SORCS2: variants seen among roughly 807,000 people sequenced by gnomAD.
SORCS2 encodes sortilin related VPS10 domain containing receptor 2.
SORCS2 carries 100 observed loss-of-function variants against 141.6 expected under a neutral mutation model. The observed-to-expected ratio is 0.71, with a 90% CI of 0.60 to 0.83. The LOEUF is 0.83. Among genes scored for constraint, SORCS2 ranks in the 40% least tolerant of loss-of-function variants. The probability of loss-of-function intolerance (pLI) is 0.00; values close to 1 mark genes in which losing one functional copy is unlikely to be tolerated. For missense variants in SORCS2, 1,646 were observed against 1,560.2 expected (o/e 1.05, Z -0.93); for synonymous variants, 789 against 676.9 (o/e 1.17, Z -2.57).
At chr4:7,250,286 C>T (rs1229876219) in intron 1 of SORCS2, among the ~76,000 whole-genome samples, 1 of 146,876 alleles carries the variant, frequency 6.8e-6, no homozygotes, top group African/African-American at 2.5e-5. Flanking sequence ...TGAAGGCCTG[C>T]TTCCATCAGC....
chr4:7,379,728 G>A (rs1201713576), intron 1 of SORCS2, among the ~76,000 whole-genome samples: 6 of 152,184 alleles, frequency 3.9e-5, no homozygotes, highest in Admixed American at 3.9e-4. Context: ...GCAGAGGCAA[G>A]GGACTCACTG....
intron 3 of SORCS2, among the ~76,000 whole-genome samples, chr4:7,586,402 G>T (rs753019552): frequency 2.0e-5 from 3 of 152,170 alleles, no homozygotes; most frequent in African/African-American, 4.8e-5. Context: ...GTGCCATAGT[G>T]GTTTGCTGCA....
At chr4:7,635,283 C>A (rs1720167995) in intron 3 of SORCS2, among the ~76,000 whole-genome samples, 1 of 152,192 alleles carries the variant, frequency 6.6e-6, no homozygotes. Flanking sequence ...CTGACCTCGG[C>A]TCTATCCTGA....
intron 2 of SORCS2, among the ~76,000 whole-genome samples, chr4:7,493,268 C>G (rs938643893): frequency 6.6e-6 from 1 of 152,176 alleles, no homozygotes; most frequent in African/African-American, 2.4e-5. Context: ...GTCTCAGGAC[C>G]TAAGTTTAGT....
In SORCS2 at chr4:7,433,732, G is replaced by A. The variant is rs768891247; in HGVS notation, c.548+37377G>A. ...GTTCTCCGCGTCCCACTCTGGGGACGGCACGATGGCATAGGCATCATGGAC... is the reference window on the plus strand; with the variant it reads ...GTTCTCCGCGTCCCACTCTGGGGACAGCACGATGGCATAGGCATCATGGAC... On this transcript the variant is annotated intron_variant, in intron 2 of 26. Transcript: ENST00000507866. 1.2e-5 allele frequency: 19 copies of A among 1,613,094 alleles called. No homozygotes were observed. The highest frequency in any genetic ancestry group is 3.3e-5 in the Admixed American group (2 of 60,000).
chr4:7,372,428 T>G (rs1159366096), intron 1 of SORCS2, among the ~76,000 whole-genome samples: 1 of 152,116 alleles, frequency 6.6e-6, no homozygotes, highest in Non-Finnish European at 1.5e-5. Context: ...TGCCTCAGCC[T>G]CCCAAGTAGC....
intron 1 of SORCS2, among the ~76,000 whole-genome samples, chr4:7,276,734 G>A (rs932194265): frequency 2.0e-5 from 3 of 152,164 alleles, no homozygotes; most frequent in Non-Finnish European, 4.4e-5. Context: ...GATTTAGAAG[G>A]CAGGCCAGAG....
intron 3 of SORCS2, among the ~76,000 whole-genome samples, chr4:7,564,633 G>A (rs909113971): frequency 1.3e-5 from 2 of 152,216 alleles, no homozygotes; most frequent in Admixed American, 6.5e-5. Flanking sequence ...GCGATGAGGA[G>A]CTGGGCCCGA....
intron 2 of SORCS2, among the ~76,000 whole-genome samples, chr4:7,478,078 G>A (rs562625694): frequency 6.6e-5 from 10 of 152,314 alleles, no homozygotes; most frequent in African/African-American, 2.4e-4. Context: ...TAGACACAGG[G>A]TGTGGCAAAG....
At chr4:7,471,842 T>C (rs537375362) in intron 2 of SORCS2, among the ~76,000 whole-genome samples, 1 of 152,218 alleles carries the variant, frequency 6.6e-6, no homozygotes, top group Non-Finnish European at 1.5e-5. Context: ...TCACCCACAG[T>C]GGGGCAGCCC....
chr4:7,451,411 G>T (rs1728458716), intron 2 of SORCS2, among the ~76,000 whole-genome samples: 1 of 152,222 alleles, frequency 6.6e-6, no homozygotes, highest in Admixed American at 6.5e-5. Flanking sequence ...ATGGTTTCCA[G>T]ATTCCACCCT....
In SORCS2 at chr4:7,478,327, C is replaced by T. The variant is rs145136222; in HGVS notation, c.549-53203C>T. The stretch of plus-strand genomic sequence containing the variant: ...AGACCCCTCCCCATGGTCTGCGTCA[C>T]CAGCTCCCCCTCCTCCAGGGCTTTG... On this transcript the variant is annotated intron_variant, in intron 2 of 26. Coordinates refer to ENST00000507866, the MANE Select transcript of SORCS2 (RefSeq NM_020777.3). Among the ~76,000 whole-genome samples, 728 of 152,228 alleles carry T rather than the reference C, an allele frequency of 4.8e-3. 7 individuals carry two copies. The highest frequency in any genetic ancestry group is 0.017 in the African/African-American group (695 of 41,526).
Position 7,355,290 on chromosome 4 carries a change from A to G in SORCS2, c.481-40998A>G, listed in dbSNP as rs192918435. ...CTCTGTGCCCTTCCGGGTTTATGGC[A>G]TCCCACCCCGCCCCACCATCGCACA... On this transcript the variant is annotated intron_variant, in intron 1 of 26. Transcript: ENST00000507866. 5.4e-3 allele frequency among the ~76,000 whole-genome samples: 816 copies of G among 152,168 alleles called. 2 individuals are homozygous for G. The highest frequency in any genetic ancestry group is 1.0e-2 in the South Asian group (48 of 4,816).
intron 1 of SORCS2, among the ~76,000 whole-genome samples, chr4:7,246,975 C>G (rs2108799690): frequency 6.6e-6 from 1 of 152,338 alleles, no homozygotes; most frequent in South Asian, 2.1e-4. Context: ...TATTCCCCAG[C>G]TAGAAGTGGG....
intron 2 of SORCS2, among the ~76,000 whole-genome samples, chr4:7,514,826 G>C (rs1343476860): frequency 6.6e-6 from 1 of 152,156 alleles, no homozygotes; most frequent in Non-Finnish European, 1.5e-5. Context: ...CAGAGGTGAG[G>C]CTGTATGCCA....
At chr4:7,433,200 C>G (rs1432554651) in intron 2 of SORCS2, 1 of 1,146,692 alleles carries the variant, frequency 8.7e-7, no homozygotes, top group East Asian at 2.9e-5. Context: ...TTCAGCTCTG[C>G]TCCTTCCCAG....
At chr4:7,636,309 C>T (rs1246138470) in intron 3 of SORCS2, among the ~76,000 whole-genome samples, 1 of 152,238 alleles carries the variant, frequency 6.6e-6, no homozygotes, top group Non-Finnish European at 1.5e-5. Flanking sequence ...CCTGCCTCAC[C>T]CGCATCTCTG....
intron 1 of SORCS2, among the ~76,000 whole-genome samples, chr4:7,326,700 T>G (rs1719284718): frequency 6.6e-6 from 1 of 152,230 alleles, no homozygotes. Context: ...TGATGTCCTT[T>G]TCACCCTCTT....
chr4:7,596,200 G>T (rs748355804), intron 3 of SORCS2, among the ~76,000 whole-genome samples: 2 of 152,160 alleles, frequency 1.3e-5, no homozygotes, highest in Non-Finnish European at 2.9e-5. Context: ...TGTGAGCCTT[G>T]TATAGAGATA....
Sources: gnomAD v4.1 joint callset for allele counts (sites outside exome capture counted in the v4.1 genomes callset) on GRCh38, gnomAD v4.1.1 for gene constraint, MANE v1.5 for transcripts, NCBI Gene and HGNC (gene_info 2026-07-23, HGNC 2026-07-21) for gene names.